Variants in METTL25 observed in about 807,000 individuals in gnomAD.
METTL25 encodes the protein probable methyltransferase-like protein 25.
Under a neutral mutation model 71.6 loss-of-function variants are expected in METTL25, and 64 were observed. That is an observed-to-expected ratio of 0.89 (90% CI 0.73 to 1.10). The LOEUF (loss-of-function observed/expected upper bound fraction) is 1.10. METTL25 is among the 50% of genes least tolerant of loss of function. METTL25 has a pLI of 0.00. For missense variants in METTL25, 807 were observed against 707.0 expected (o/e 1.14, Z -1.60); for synonymous variants, 287 against 250.3 (o/e 1.15, Z -1.38).
chr12:82,400,274 G>A (rs1019350818), intron 4 of METTL25, among the ~76,000 whole-genome samples: 2 of 152,024 alleles, frequency 1.3e-5, no homozygotes, highest in South Asian at 2.1e-4. Flanking sequence ...GGAGCTTGCA[G>A]TGAGCCAAGA....
intron 3 of METTL25, among the ~76,000 whole-genome samples, chr12:82,394,336 A>G (rs1051995236): frequency 6.6e-6 from 1 of 152,060 alleles, no homozygotes; most frequent in Non-Finnish European, 1.5e-5. Flanking sequence ...TTTAATAAAT[A>G]CAAATTTCAT....
intron 4 of METTL25, 97 bp from the exon 5 acceptor site, chr12:82,402,886 G>T: frequency 1.1e-6 from 1 of 875,238 alleles, no homozygotes; most frequent in East Asian, 2.7e-5. Context: ...GTGCAGCCTG[G>T]GCAACATTGC....
chr12:82,433,437 A>G (rs1005848348), intron 6 of METTL25, among the ~76,000 whole-genome samples: 5 of 151,648 alleles, frequency 3.3e-5, no homozygotes, highest in Admixed American at 6.6e-5. Context: ...GTAACATTCT[A>G]CTTGGCTGTA....
chr12:82,432,720 C>G (rs1478709895), intron 6 of METTL25, among the ~76,000 whole-genome samples: 1 of 151,526 alleles, frequency 6.6e-6, no homozygotes, highest in Non-Finnish European at 1.5e-5. Context: ...CATCCCAACC[C>G]ATGTCCACCT....
chr12:82,429,327 C>A (rs1157747391), intron 5 of METTL25, among the ~76,000 whole-genome samples: 2 of 150,590 alleles, frequency 1.3e-5, no homozygotes, highest in African/African-American at 4.9e-5. Context: ...TGGCTTATTT[C>A]ACTTAACACA....
intron 2 of METTL25, among the ~76,000 whole-genome samples, chr12:82,389,526 C>T (rs901155824): frequency 4.0e-4 from 61 of 151,820 alleles, no homozygotes; most frequent in Non-Finnish European, 2.6e-4. Flanking sequence ...GCCTTTTTAC[C>T]TCATAATGTT....
At chr12:82,367,979 A>C (rs1210276623) in intron 1 of METTL25, among the ~76,000 whole-genome samples, 1 of 152,104 alleles carries the variant, frequency 6.6e-6, no homozygotes, top group Admixed American at 6.5e-5. Flanking sequence ...TGGGAATCCT[A>C]ATTCTTGTCT....
intron 6 of METTL25, among the ~76,000 whole-genome samples, chr12:82,432,599 A>C (rs551677410): frequency 6.6e-6 from 1 of 151,760 alleles, no homozygotes; most frequent in South Asian, 2.1e-4. Context: ...AGAGAACCAA[A>C]ACAAATACTT....
At position 82,412,469 on chromosome 12, in the gene METTL25, A is replaced by G. The variant is rs1284803284; in HGVS notation, c.1279+9339A>G. 2.0e-5 allele frequency among the ~76,000 whole-genome samples: 3 copies of G among 152,076 alleles called. No homozygotes were observed. In the East Asian group the frequency reaches 5.8e-4, roughly 29 times the overall value. ...TACCTAATGTGGTCAGTTTCAAGCT[A>G]CCAACCTGATGTCAGTAAATGCTGG... On this transcript the variant is annotated intron_variant, in intron 5 of 11. Transcript: ENST00000248306.
chr12:82,433,949 T>G (rs1403457212), intron 6 of METTL25, among the ~76,000 whole-genome samples: 2 of 151,298 alleles, frequency 1.3e-5, no homozygotes. Context: ...ATCTAAAAAC[T>G]CAAAGTTTCA....
chr12:82,380,658 T>A (rs1884355824), intron 1 of METTL25, among the ~76,000 whole-genome samples: 1 of 152,228 alleles, frequency 6.6e-6, no homozygotes. Flanking sequence ...ATTCAAACCC[T>A]AGTTCTTCCT....
At chr12:82,407,567 A>T (rs1247038401) in intron 5 of METTL25, among the ~76,000 whole-genome samples, 3 of 152,114 alleles carry the variant, frequency 2.0e-5, no homozygotes, top group South Asian at 4.1e-4. Flanking sequence ...TAATATCTTA[A>T]TGTTACTTAA....
chr12:82,371,804 G>C (rs1474560696), intron 1 of METTL25, among the ~76,000 whole-genome samples: 1 of 152,152 alleles, frequency 6.6e-6, no homozygotes, highest in Non-Finnish European at 1.5e-5. Context: ...GCTCAGGGAA[G>C]TCAGAAGGAT....
chr12:82,449,940 C>T (rs1341137304), intron 8 of METTL25, among the ~76,000 whole-genome samples: 1 of 152,042 alleles, frequency 6.6e-6, no homozygotes, highest in East Asian at 1.9e-4. Flanking sequence ...TCCATCACTC[C>T]AGCAAACCAC....
In METTL25 at chr12:82,438,785, C is replaced by A. The variant is rs186814835; in HGVS notation, c.1472C>A (p.Thr491Asn). 2 of 1,495,958 alleles carry A rather than the reference C, an allele frequency of 1.3e-6. No individual in the cohort carries two copies. The highest frequency in any genetic ancestry group is 1.2e-5 in the South Asian group (1 of 80,290). The allele number at this position is 1,495,958 out of a possible 1,614,324, so 92.7% of individuals were successfully genotyped here. A position where few individuals can be genotyped will look rare whatever the true frequency, so the allele number is the denominator to read the frequency against. Residue 491 changes from threonine to asparagine, a missense_variant, in exon 8 of 12, where the codon ACC becomes AAC. Thr to Asn is a moderately conservative substitution (Grantham distance 65, BLOSUM62 0). Transcript: ENST00000248306. ...QDIIKDCYGITKCDRHVGKIY... is the reference protein window; with the variant it reads ...QDIIKDCYGINKCDRHVGKIY... ...ATTATTAAAGATTGTTATGGCATCA[C>A]CAAATGGTATGAGGATTTTATTTTA... is the stretch of plus-strand genomic sequence containing the variant.
Position 82,398,832 on chromosome 12 carries a change from CT to C in METTL25, c.575del (p.Leu192CysfsTer3). On this transcript the variant is annotated frameshift_variant, in exon 4 of 12. Coordinates refer to ENST00000248306, the MANE Select transcript of METTL25 (RefSeq NM_032230.3). LOFTEE classifies it high-confidence loss of function. The part of the protein sequence containing the change: ...DLGSGKGYLS[S>X]FLSLKYGLKV... ...GGTTCCGGTAAAGGCTACCTAAGCT[CT>C]TTTTTGTCCTTGAAGTATGGCTTAA... The C allele has an allele frequency of 3.8e-6, 6 of 1,575,794 alleles. No homozygotes were observed. The highest frequency in any genetic ancestry group is 2.0e-5 in the Admixed American group (1 of 49,198).
At chr12:82,360,005 TAAACTC>T (rs1017378444) in intron 1 of METTL25, among the ~76,000 whole-genome samples, 1 of 152,226 alleles carries the variant, frequency 6.6e-6, no homozygotes, top group Non-Finnish European at 1.5e-5. Flanking sequence ...CAATTTTACT[TAAACTC>T]CAAAAGAGCA....
chr12:82,402,388 A>G (rs1324775497), intron 4 of METTL25, among the ~76,000 whole-genome samples: 1 of 152,126 alleles, frequency 6.6e-6, no homozygotes, highest in Non-Finnish European at 1.5e-5. Flanking sequence ...TAAATTTATA[A>G]CAAAGCACAG....
intron 5 of METTL25, among the ~76,000 whole-genome samples, chr12:82,427,346 T>C (rs951380873): frequency 6.6e-6 from 1 of 151,976 alleles, no homozygotes; most frequent in East Asian, 1.9e-4. Flanking sequence ...ATTTAGTATC[T>C]CTCATAGTTT....
Sources: gnomAD v4.1 joint callset for allele counts (sites outside exome capture counted in the v4.1 genomes callset) on GRCh38, gnomAD v4.1.1 for gene constraint, MANE v1.5 for transcripts, NCBI Gene and HGNC (gene_info 2026-07-23, HGNC 2026-07-21) for gene names.